Variants in SLAIN1 observed in about 807,000 individuals in gnomAD.
The protein encoded by SLAIN1 is SLAIN family member 1, also known as SLAIN motif-containing protein 1.
SLAIN1 carries 17 observed loss-of-function variants against 55.4 expected under a neutral mutation model. That is an observed-to-expected ratio of 0.31 (90% CI 0.21 to 0.46). SLAIN1 has a LOEUF of 0.46. SLAIN1 is among the 20% of genes least tolerant of loss of function. The pLI is 1.00. For missense variants in SLAIN1, 682 were observed against 785.1 expected, an observed-to-expected ratio of 0.87 and a Z score of 1.57; for synonymous variants, 348 against 337.4, an observed-to-expected ratio of 1.03 and a Z score of -0.35.
At chr13:77,699,752 A>G (rs1333526340) in intron 1 of SLAIN1, among the ~76,000 whole-genome samples, 1 of 152,166 alleles carries the variant, frequency 6.6e-6, no homozygotes, top group East Asian at 1.9e-4. Flanking sequence ...CCACCTTAAT[A>G]CTTTTTGGCA....
At chr13:77,758,188 T>C (rs1314449176) in intron 5 of SLAIN1, among the ~76,000 whole-genome samples, 3 of 152,192 alleles carry the variant, frequency 2.0e-5, no homozygotes, top group Admixed American at 2.0e-4. Flanking sequence ...TTAGTGATGT[T>C]GAACATTTTT....
intron 1 of SLAIN1, among the ~76,000 whole-genome samples, chr13:77,710,803 T>G (rs1397313049): frequency 6.6e-6 from 1 of 152,192 alleles, no homozygotes; most frequent in Non-Finnish European, 1.5e-5. Flanking sequence ...CAGCACCATG[T>G]CACACTTATT....
At chr13:77,727,556 A>G (rs1342673056) in intron 2 of SLAIN1, among the ~76,000 whole-genome samples, 4 of 151,500 alleles carry the variant, frequency 2.6e-5, no homozygotes, top group East Asian at 1.9e-4. Context: ...GGTGTTCATT[A>G]AAGTGTTAGT....
intron 2 of SLAIN1, among the ~76,000 whole-genome samples, chr13:77,725,556 T>A (rs1485687972): frequency 6.6e-6 from 1 of 152,196 alleles, no homozygotes; most frequent in Non-Finnish European, 1.5e-5. Flanking sequence ...TATGTAATAT[T>A]TGAGCAAATA....
chr13:77,722,285 G>A lies in SLAIN1; in HGVS notation c.766+2614G>A, dbSNP rs375167581. ...TGACACTAAATGTTTTTATTCCAGA[G>A]ATCCATAATCCATAATCCTGTTGAG... On this transcript the variant is annotated intron_variant, in intron 2 of 6. Coordinates refer to ENST00000418532, the MANE Select transcript of SLAIN1 (RefSeq NM_001242868.2). 9.2e-5 allele frequency among the ~76,000 whole-genome samples: 14 copies of A among 152,082 alleles called. No homozygotes were observed. In the East Asian group the frequency reaches 2.7e-3, roughly 29 times the overall value.
chr13:77,756,053 G>C (rs1274320508), intron 5 of SLAIN1, among the ~76,000 whole-genome samples: 1 of 151,978 alleles, frequency 6.6e-6, no homozygotes, highest in Non-Finnish European at 1.5e-5. Context: ...CCTGGTTTTG[G>C]GTCTTTTCTT....
At chr13:77,702,831 T>G (rs2091044539) in intron 1 of SLAIN1, among the ~76,000 whole-genome samples, 1 of 152,202 alleles carries the variant, frequency 6.6e-6, no homozygotes, top group African/African-American at 2.4e-5. Flanking sequence ...AATCAGAGTT[T>G]ATCACATCTT....
chr13:77,763,329 T>A lies in SLAIN1; in HGVS notation c.*109T>A. The A allele has an allele frequency of 1.2e-6, 1 of 807,254 alleles. No individual in the cohort carries two copies. Among genetic ancestry groups the A allele is most frequent in the East Asian group, 2.5e-5 (1 of 40,182 alleles). The allele number at this position is 807,254 out of a possible 1,614,324, so 50.0% of individuals were successfully genotyped here. ...TGGGATATTCTTTCCCTTTTGTGTT[T>A]TAATATATTTACTGCATTGTTTCTC... On this transcript the variant is annotated 3_prime_UTR_variant, in exon 7 of 7. Transcript: ENST00000418532.
Position 77,763,439 on chromosome 13 carries a change from T to C in SLAIN1, c.*219T>C. On this transcript the variant is annotated 3_prime_UTR_variant, in exon 7 of 7. Coordinates refer to ENST00000418532, the MANE Select transcript of SLAIN1 (RefSeq NM_001242868.2). The stretch of plus-strand genomic sequence containing the variant: ...CATTCTCAAACCCATGGTTGCAGTA[T>C]TGTGACACTTAGATCTAGGAAGTTT... The C allele has an allele frequency of 1.9e-6, 1 of 540,002 alleles. No individual in the cohort carries two copies. Among genetic ancestry groups the C allele is most frequent in the Non-Finnish European group, 3.3e-6 (1 of 304,554 alleles). 33.5% of individuals were successfully genotyped at this position (540,002 alleles called of 1,614,324 possible). A position where few individuals can be genotyped will look rare whatever the true frequency, so the allele number is the denominator to read the frequency against.
At chr13:77,726,433 C>CT (rs556561473) in intron 2 of SLAIN1, among the ~76,000 whole-genome samples, 10 of 149,280 alleles carry the variant, frequency 6.7e-5, no homozygotes, top group Admixed American at 6.7e-5. Context: ...ATCTAAGAAA[C>CT]TTTTTTTTTT....
At chr13:77,759,230 C>G (rs1874827126) in intron 5 of SLAIN1, among the ~76,000 whole-genome samples, 1 of 151,942 alleles carries the variant, frequency 6.6e-6, no homozygotes, top group Non-Finnish European at 1.5e-5. Context: ...TAATTTTCAG[C>G]TTGGTTGTTG....
At chr13:77,740,061 G>T (rs1873339012) in intron 2 of SLAIN1, among the ~76,000 whole-genome samples, 1 of 152,070 alleles carries the variant, frequency 6.6e-6, no homozygotes, top group African/African-American at 2.4e-5. Context: ...ACCAATAAGG[G>T]TGCATCCTTA....
chr13:77,712,857 CAG>C (rs1342144038), intron 1 of SLAIN1, among the ~76,000 whole-genome samples: 1 of 152,076 alleles, frequency 6.6e-6, no homozygotes, highest in Admixed American at 6.6e-5. Context: ...GGTACCAAAA[CAG>C]ATATATAGAC....
intron 1 of SLAIN1, among the ~76,000 whole-genome samples, chr13:77,702,680 T>A (rs544062903): frequency 6.6e-6 from 1 of 151,914 alleles, no homozygotes; most frequent in East Asian, 1.9e-4. Flanking sequence ...AAAATCAGAT[T>A]ATTTGTCCAG....
intron 2 of SLAIN1, among the ~76,000 whole-genome samples, chr13:77,743,770 T>G: frequency 6.6e-6 from 1 of 152,068 alleles, no homozygotes; most frequent in East Asian, 1.9e-4. Context: ...CATATGTATG[T>G]GTGCCTTTTA....
intron 1 of SLAIN1, among the ~76,000 whole-genome samples, chr13:77,708,083 T>C (rs544463198): frequency 6.6e-6 from 1 of 152,270 alleles, no homozygotes; most frequent in South Asian, 2.1e-4. Flanking sequence ...CTATGGAGTA[T>C]GAAAGAGAAA....
rs143426312 is a variant in SLAIN1, at chr13:77,760,973, G to A, written c.1560G>A (p.Leu520=). 3.4e-5 allele frequency: 55 copies of A among 1,614,060 alleles called. No individual in the cohort carries two copies. The highest frequency in any genetic ancestry group is 4.3e-5 in the Non-Finnish European group (51 of 1,180,034). ...TGCCTTTATCAAACGGCTTACAGCT[G>A]TATTCCAACACAGGAATCCCCACAC... The part of the protein sequence containing the change: ...SNMPLSNGLQ[L]YSNTGIPTPN... Residue 520 remains leucine, a synonymous_variant, in exon 6 of 7, where the codon CTG becomes CTA. Transcript: ENST00000418532.
chr13:77,762,159 G>A (rs555993566), intron 6 of SLAIN1, among the ~76,000 whole-genome samples: 12 of 152,280 alleles, frequency 7.9e-5, no homozygotes, highest in Non-Finnish European at 1.5e-4. Flanking sequence ...TTTGGTACAT[G>A]TTTATTTATT....
chr13:77,708,853 TCTC>T (rs2091117004), intron 1 of SLAIN1, among the ~76,000 whole-genome samples: 1 of 151,946 alleles, frequency 6.6e-6, no homozygotes, highest in South Asian at 2.1e-4. Context: ...GAATGCCTCT[TCTC>T]CTCCAAAGGA....
Sources: gnomAD v4.1 joint callset for allele counts (sites outside exome capture counted in the v4.1 genomes callset) on GRCh38, gnomAD v4.1.1 for gene constraint, MANE v1.5 for transcripts, NCBI Gene and HGNC (gene_info 2026-07-23, HGNC 2026-07-21) for gene names.